KLHL1: variants seen among roughly 807,000 people sequenced by gnomAD.
KLHL1 encodes the protein kelch-like protein 1.
Under a neutral mutation model 77.7 loss-of-function variants are expected in KLHL1, and 47 were observed. That is an observed-to-expected ratio of 0.60 (90% CI 0.48 to 0.77). The LOEUF (loss-of-function observed/expected upper bound fraction) is 0.77. KLHL1 is among the 30% of genes least tolerant of loss of function. KLHL1 has a pLI of 0.00. For missense variants in KLHL1, 925 were observed against 910.8 expected (o/e 1.02, Z -0.20); for synonymous variants, 360 against 325.2 (o/e 1.11, Z -1.15).
intron 3 of KLHL1, among the ~76,000 whole-genome samples, chr13:69,950,440 A>C (rs1883670752): frequency 6.6e-6 from 1 of 151,576 alleles, no homozygotes; most frequent in African/African-American, 2.4e-5. Context: ...CTTATCTTCA[A>C]ATTTATTATA....
Position 69,938,782 on chromosome 13 carries a change from T to A in KLHL1, c.1014+1258A>T, listed in dbSNP as rs376754167. ...TGCCAATAGAATTACAAATTGCATATCTTCTTCCTTTTATTTCTATATTTT... is the reference window on the plus strand; with the variant it reads ...TGCCAATAGAATTACAAATTGCATAACTTCTTCCTTTTATTTCTATATTTT... On this transcript the variant is annotated intron_variant, in intron 4 of 10. Coordinates refer to ENST00000377844, the MANE Select transcript of KLHL1 (RefSeq NM_020866.3). Among the ~76,000 whole-genome samples, 42 of 152,272 alleles carry A rather than the reference T, an allele frequency of 2.8e-4. No individual in the cohort carries two copies. In the East Asian group the frequency reaches 7.3e-3, roughly 27 times the overall value.
chr13:69,738,089 C>T (rs74090437), intron 8 of KLHL1, among the ~76,000 whole-genome samples: 7,131 of 151,974 alleles, frequency 0.047, 517 homozygotes, highest in African/African-American at 0.15. Context: ...TCTCCAGGGG[C>T]GGGACGGACC....
chr13:69,988,234 C>T (rs1047174339), intron 1 of KLHL1, among the ~76,000 whole-genome samples: 4 of 151,958 alleles, frequency 2.6e-5, no homozygotes, highest in Admixed American at 1.3e-4. Context: ...TCTCCTCCTG[C>T]GTTAGTTTGC....
intron 7 of KLHL1, among the ~76,000 whole-genome samples, chr13:69,762,104 G>T (rs1385915755): frequency 6.6e-6 from 1 of 152,066 alleles, no homozygotes; most frequent in African/African-American, 2.4e-5. Context: ...TAGCTAAAAG[G>T]TTATCAGAAA....
rs574561438 is a variant in KLHL1, at chr13:69,798,213, A to G, written c.1415-1251T>C. 1.0e-3 allele frequency among the ~76,000 whole-genome samples: 155 copies of G among 152,304 alleles called. 1 individual carries two copies. The highest frequency in any genetic ancestry group is 1.7e-3 in the Non-Finnish European group (119 of 68,028). On this transcript the variant is annotated intron_variant, in intron 6 of 10. Coordinates refer to ENST00000377844, the MANE Select transcript of KLHL1 (RefSeq NM_020866.3). ...AAACATTTCTACAAAGCAAATTAAC[A>G]TTCTTGTGTACTTTCACTTAAGCAC...
intron 1 of KLHL1, among the ~76,000 whole-genome samples, chr13:69,979,712 C>G (rs996537038): frequency 6.6e-6 from 1 of 152,064 alleles, no homozygotes; most frequent in African/African-American, 2.4e-5. Flanking sequence ...TTTGGCCCAA[C>G]AATACAAAGC....
chr13:69,801,940 G>A (rs536400933), intron 6 of KLHL1, among the ~76,000 whole-genome samples: 2 of 151,856 alleles, frequency 1.3e-5, no homozygotes, highest in East Asian at 1.9e-4. Flanking sequence ...GTATACATGC[G>A]CCATGGTGGT....
chr13:69,731,137 T>G (rs974246414), intron 8 of KLHL1, among the ~76,000 whole-genome samples: 1 of 151,794 alleles, frequency 6.6e-6, no homozygotes, highest in Non-Finnish European at 1.5e-5. Context: ...ATAAAATGTG[T>G]GTATTATTAA....
chr13:69,824,407 T>C (rs1021507130), intron 6 of KLHL1, among the ~76,000 whole-genome samples: 1 of 152,064 alleles, frequency 6.6e-6, no homozygotes, highest in East Asian at 1.9e-4. Context: ...ATGAATATGT[T>C]TTTTACAAGG....
chr13:69,991,843 G>T (rs888513444), intron 1 of KLHL1, among the ~76,000 whole-genome samples: 1 of 151,908 alleles, frequency 6.6e-6, no homozygotes, highest in South Asian at 2.1e-4. Flanking sequence ...CATGATAGGA[G>T]AATTTATTAA....
At chr13:70,026,826 A>C (rs7999424) in intron 1 of KLHL1, among the ~76,000 whole-genome samples, 124,329 of 151,300 alleles carry the variant, frequency 0.82, 51,875 homozygotes, top group East Asian at 0.92. Context: ...TGGATAAAAT[A>C]TAGTGAAAAG....
chr13:70,069,570 A>G (rs774996646), intron 1 of KLHL1, among the ~76,000 whole-genome samples: 7 of 152,212 alleles, frequency 4.6e-5, no homozygotes, highest in Non-Finnish European at 1.0e-4. Context: ...AAAGGATTAA[A>G]TGGTAATAGC....
At chr13:69,915,596 G>A (rs2138252768) in intron 4 of KLHL1, among the ~76,000 whole-genome samples, 1 of 152,262 alleles carries the variant, frequency 6.6e-6, no homozygotes, top group East Asian at 1.9e-4. Context: ...ATTAATTCAA[G>A]ATGGATTAAA....
intron 9 of KLHL1, among the ~76,000 whole-genome samples, chr13:69,711,531 A>G (rs1875877393): frequency 6.6e-6 from 1 of 152,132 alleles, no homozygotes; most frequent in Non-Finnish European, 1.5e-5. Flanking sequence ...AAGAAAACCA[A>G]CATTTACCAG....
At chr13:69,934,032 T>C (rs889073315) in intron 4 of KLHL1, among the ~76,000 whole-genome samples, 3 of 152,160 alleles carry the variant, frequency 2.0e-5, no homozygotes, top group Non-Finnish European at 4.4e-5. Context: ...CATGTCTATC[T>C]ATTGATCCTG....
intron 7 of KLHL1, among the ~76,000 whole-genome samples, chr13:69,790,112 T>G (rs1011209058): frequency 2.6e-5 from 4 of 152,172 alleles, no homozygotes; most frequent in African/African-American, 7.2e-5. Context: ...TTCCAAAAGA[T>G]TCCTCTTATT....
At chr13:70,037,482 T>G (rs1416356857) in intron 1 of KLHL1, among the ~76,000 whole-genome samples, 2 of 152,102 alleles carry the variant, frequency 1.3e-5, no homozygotes. Context: ...ATACCCGGCT[T>G]TATTTCAATA....
chr13:70,047,722 T>G (rs1886537514), intron 1 of KLHL1, among the ~76,000 whole-genome samples: 1 of 152,192 alleles, frequency 6.6e-6, no homozygotes, highest in South Asian at 2.1e-4. Context: ...AAAAACACAA[T>G]TACATTCTTA....
chr13:69,968,145 A>G (rs1884273671), intron 2 of KLHL1, among the ~76,000 whole-genome samples: 1 of 151,834 alleles, frequency 6.6e-6, no homozygotes, highest in African/African-American at 2.4e-5. Flanking sequence ...CTGATCAATC[A>G]GAAGCCATCA....
Sources: allele counts gnomAD v4.1 joint callset (sites outside exome capture counted in the v4.1 genomes callset), GRCh38; gene constraint gnomAD v4.1.1; transcripts MANE v1.5; gene names NCBI Gene and HGNC (gene_info 2026-07-23, HGNC 2026-07-21).